USP54: variants seen among roughly 807,000 people sequenced by gnomAD.
The protein encoded by USP54 is ubiquitin specific peptidase 54, also known as ubiquitin carboxyl-terminal hydrolase 54.
In USP54, 87 loss-of-function variants were observed where a neutral mutation model predicts 170.5. That is an observed-to-expected ratio of 0.51 (90% CI 0.43 to 0.61). USP54 has a LOEUF of 0.61. Ranked by LOEUF, USP54 falls within the 20% of genes least tolerant of loss-of-function variation. The pLI is 0.00. For synonymous variants in USP54, 655 were observed against 742.8 expected (o/e 0.88, Z 1.92); for missense variants, 1,786 against 2,047.8 (o/e 0.87, Z 2.47).
At chr10:73,528,768 G>A (rs759171012) in intron 15 of USP54, among the ~76,000 whole-genome samples, 2 of 152,118 alleles carry the variant, frequency 1.3e-5, no homozygotes, top group Non-Finnish European at 2.9e-5. Flanking sequence ...ACAGGCGTGA[G>A]CCAACATGCC....
chr10:73,526,311 G>A (rs766059166), intron 16 of USP54, among the ~76,000 whole-genome samples: 2 of 151,978 alleles, frequency 1.3e-5, no homozygotes, highest in Non-Finnish European at 2.9e-5. Flanking sequence ...GCAGTGGCAC[G>A]ATCTTGGCTC....
chr10:73,588,565 T>C (rs948415989), intron 1 of USP54, among the ~76,000 whole-genome samples: 2 of 152,222 alleles, frequency 1.3e-5, no homozygotes, highest in African/African-American at 4.8e-5. Context: ...CTCAATACAA[T>C]TCACCCAGAC....
intron 12 of USP54, among the ~76,000 whole-genome samples, chr10:73,533,393 A>C (rs1334809655): frequency 6.6e-6 from 1 of 152,160 alleles, no homozygotes; most frequent in African/African-American, 2.4e-5. Context: ...AATGTGATAT[A>C]ATGCCTGGGA....
At chr10:73,622,283 G>C (rs1009662729) in intron 1 of USP54, among the ~76,000 whole-genome samples, 2 of 151,348 alleles carry the variant, frequency 1.3e-5, no homozygotes, top group Non-Finnish European at 2.9e-5. Flanking sequence ...TATTATTATT[G>C]CCTTAAGACT....
At chr10:73,550,448 TC>T (rs2068995277) in intron 4 of USP54, among the ~76,000 whole-genome samples, 1 of 152,144 alleles carries the variant, frequency 6.6e-6, no homozygotes, top group Non-Finnish European at 1.5e-5. Context: ...CACCCTCCCT[TC>T]CCCAAACTCC....
chr10:73,603,786 A>G (rs2079395685), intron 1 of USP54, among the ~76,000 whole-genome samples: 1 of 151,954 alleles, frequency 6.6e-6, no homozygotes, highest in African/African-American at 2.4e-5. Context: ...ACAAGTCAAC[A>G]ACAACAAAAT....
chr10:73,591,800 T>C (rs2078275473), upstream of USP54, among the ~76,000 whole-genome samples: 1 of 152,214 alleles, frequency 6.6e-6, no homozygotes, highest in Non-Finnish European at 1.5e-5. Flanking sequence ...AACATTTTTG[T>C]AGTTGTTTAC....
chr10:73,612,648 C>T (rs938452847), intron 1 of USP54, among the ~76,000 whole-genome samples: 5 of 151,908 alleles, frequency 3.3e-5, no homozygotes, highest in Admixed American at 2.0e-4. Flanking sequence ...TCAAGACTAG[C>T]CTGGCCAACA....
chr10:73,555,761 A>T (rs948663684), intron 4 of USP54, among the ~76,000 whole-genome samples: 1 of 152,186 alleles, frequency 6.6e-6, no homozygotes, highest in Admixed American at 6.5e-5. Context: ...GAAAGGGGAC[A>T]CCCTTCTGGA....
intron 7 of USP54, among the ~76,000 whole-genome samples, chr10:73,542,319 C>T (rs905496632): frequency 3.9e-5 from 6 of 152,118 alleles, no homozygotes; most frequent in African/African-American, 1.4e-4. Context: ...AGGCTGGTCT[C>T]GAACTCTTAG....
At chr10:73,534,534 CT>C (rs2064828000) in intron 12 of USP54, 65 bp downstream of exon 12, 2 of 1,555,830 alleles carry the variant, frequency 1.3e-6, no homozygotes, top group Admixed American at 1.9e-5. Flanking sequence ...CTCACAGTTT[CT>C]TTTTCTTAGG....
rs984577137 is a variant in USP54, at chr10:73,571,429, C to T, written c.232G>A (p.Ala78Thr). 2.5e-6 allele frequency: 4 copies of T among 1,612,966 alleles called. No homozygotes were observed. Among genetic ancestry groups the T allele is most frequent in the Admixed American group, 1.7e-5 (1 of 59,860 alleles). ...TAATTGGAAGTACTTACCTTGAGAG[C>T]GCAAAAGATGCAGGAATCTCCCATG... Reference protein sequence around the residue: ...KCMGDSCIFCALKGIFNQFQC... With the variant: ...KCMGDSCIFCTLKGIFNQFQC... Residue 78 changes from alanine to threonine, a missense_variant, in exon 4 of 24, where the codon GCT becomes ACT. Ala to Thr is a moderately conservative substitution (Grantham distance 58). Transcript: ENST00000687698.
intron 4 of USP54, among the ~76,000 whole-genome samples, chr10:73,545,976 C>G (rs759804111): frequency 6.6e-6 from 1 of 152,104 alleles, no homozygotes; most frequent in Non-Finnish European, 1.5e-5. Context: ...CTAATACAGA[C>G]AGAAGTAAAT....
At chr10:73,616,176 T>C (rs1801293296) in intron 1 of USP54, among the ~76,000 whole-genome samples, 2 of 149,250 alleles carry the variant, frequency 1.3e-5, no homozygotes, top group Admixed American at 1.3e-4. Flanking sequence ...CTGTCTCTTC[T>C]AAAAATACAA....
At chr10:73,572,653 C>A (rs1218337130) in intron 3 of USP54, among the ~76,000 whole-genome samples, 1 of 151,914 alleles carries the variant, frequency 6.6e-6, no homozygotes, top group Non-Finnish European at 1.5e-5. Flanking sequence ...GCTTTGAAAC[C>A]AAAAGTTAGA....
At chr10:73,543,278 T>G (rs2067014156) in intron 5 of USP54, 147 bp from the exon 6 acceptor site, 1 of 615,098 alleles carries the variant, frequency 1.6e-6, no homozygotes, top group East Asian at 2.8e-5. Flanking sequence ...AAAAAAATTA[T>G]AAATTCATAG....
intron 1 of USP54, among the ~76,000 whole-genome samples, chr10:73,580,113 C>T (rs181436406): frequency 6.6e-6 from 1 of 151,946 alleles, no homozygotes; most frequent in Non-Finnish European, 1.5e-5. Flanking sequence ...CACCTTGGAT[C>T]AGGAGTTCAA....
chr10:73,610,140 T>C lies in USP54; in HGVS notation c.-18+15427A>G, dbSNP rs182836000. On this transcript the variant is annotated intron_variant, in intron 1 of 22. Transcript: ENST00000339859. The stretch of plus-strand genomic sequence containing the variant: ...CTGCAGTGAGCTGAGATCACACCAC[T>C]GCACTCCAGCCTGGGTGACAGAACA... 3.0e-3 allele frequency among the ~76,000 whole-genome samples: 463 copies of C among 152,270 alleles called. 4 individuals carry two copies. The highest frequency in any genetic ancestry group is 0.011 in the African/African-American group (452 of 41,544).
At position 73,529,725 on chromosome 10, in the gene USP54, G is replaced by A; in HGVS notation, c.2015C>T (p.Pro672Leu). 1 of 1,614,000 alleles carries A rather than the reference G, an allele frequency of 6.2e-7. No individual in the cohort carries two copies. Among genetic ancestry groups the A allele is most frequent in the Non-Finnish European group, 8.5e-7 (1 of 1,179,852 alleles). Residue 672 changes from proline (P) to leucine (L), a missense_variant, in exon 15 of 24, where the codon CCT becomes CTT. This residue lies in a region of USP54 where 1,418 missense variants were observed against 1,569.0 expected (regional missense o/e 0.90). Transcript: ENST00000687698. ...AGGCAGGGCTGCATCCAGGCTGACA[G>A]GGCTGCTGCTGTTCCTCTCACTGCT... ...YESSERNSSS[P>L]VSLDAALPES...
Sources: gnomAD v4.1 joint callset for allele counts (sites outside exome capture counted in the v4.1 genomes callset) on GRCh38, gnomAD v4.1.1 for gene constraint, gnomAD v4.1.1 regional missense constraint, MANE v1.5 for transcripts, NCBI Gene and HGNC (gene_info 2026-07-23, HGNC 2026-07-21) for gene names.